NSD1: variants seen among roughly 807,000 people sequenced by gnomAD.
NSD1 encodes the protein nuclear receptor binding SET domain protein 1.
A neutral mutation model predicts 242.7 loss-of-function variants in NSD1; 26 were observed. The observed-to-expected ratio is 0.11, with a 90% confidence interval of 0.08 to 0.15. The LOEUF is 0.15. Among genes scored for constraint, NSD1 ranks in the 10% least tolerant of loss-of-function variants. The pLI is 1.00. For missense variants in NSD1, 2,495 were observed against 3,272.8 expected, an observed-to-expected ratio of 0.76 and a Z score of 5.80; for synonymous variants, 1,106 against 1,178.1, an observed-to-expected ratio of 0.94 and a Z score of 1.25.
chr5:177,165,907 A>G (rs922814625), intron 2 of NSD1, among the ~76,000 whole-genome samples: 1 of 140,754 alleles, frequency 7.1e-6, no homozygotes, highest in South Asian at 2.2e-4. Flanking sequence ...CCCAGCCCAC[A>G]ATCTTTTTTT....
At chr5:177,245,306 A>G (rs926183761) in intron 9 of NSD1, among the ~76,000 whole-genome samples, 4 of 152,226 alleles carry the variant, frequency 2.6e-5, no homozygotes, top group African/African-American at 9.6e-5. Flanking sequence ...TTAAAATAAA[A>G]CCTACAACAT....
chr5:177,245,898 A>G lies in NSD1; in HGVS notation c.4379-780A>G, dbSNP rs1009145798. Among the ~76,000 whole-genome samples, 5 of 151,936 alleles carry G rather than the reference A, an allele frequency of 3.3e-5. No homozygotes were observed. In the East Asian group the frequency reaches 9.6e-4, roughly 29 times the overall value. On this transcript the variant is annotated intron_variant, in intron 9 of 22. Coordinates refer to ENST00000439151, the MANE Select transcript of NSD1 (RefSeq NM_022455.5). ...GTGATCTGTCCACCTTGGCCTCCCA[A>G]AGTGCTGGGATTACAGGCATGAGCC... is the stretch of plus-strand genomic sequence containing the variant.
chr5:177,181,404 A>G (rs1441221791), intron 2 of NSD1, among the ~76,000 whole-genome samples: 2 of 148,574 alleles, frequency 1.3e-5, no homozygotes, highest in Non-Finnish European at 3.0e-5. Flanking sequence ...CATGTGGGAA[A>G]CTTCATTATG....
chr5:177,176,882 G>A (rs1187209922), intron 2 of NSD1, among the ~76,000 whole-genome samples: 2 of 152,130 alleles, frequency 1.3e-5, no homozygotes, highest in African/African-American at 2.4e-5. Flanking sequence ...ATTTCTTGGG[G>A]ATCAGTCAGA....
At chr5:177,183,885 T>G (rs890416878) in intron 2 of NSD1, among the ~76,000 whole-genome samples, 3 of 152,216 alleles carry the variant, frequency 2.0e-5, no homozygotes, top group African/African-American at 4.8e-5. Context: ...TGAGAACACA[T>G]GAAGTTGGTC....
At chr5:177,203,721 G>T (rs967486179) in intron 3 of NSD1, among the ~76,000 whole-genome samples, 5 of 150,232 alleles carry the variant, frequency 3.3e-5, no homozygotes, top group Admixed American at 2.0e-4. Flanking sequence ...GTTTTCTTGG[G>T]TTTTTTTTTG....
Position 177,134,533 on chromosome 5 carries a change from G to C in NSD1, c.-17-554G>C, listed in dbSNP as rs1185783025. On this transcript the variant is annotated intron_variant, in intron 1 of 22. Transcript: ENST00000439151. The surrounding 1 kb of genome is among the most constrained non-coding windows in gnomAD (Gnocchi z 4.2). The stretch of plus-strand genomic sequence containing the variant: ...CCAGCAGGCCTGCATTCAGGAAGGC[G>C]AGCTCTGGGGTGCAGCCGCCTCGGC... Among the ~76,000 whole-genome samples the C allele has an allele frequency of 6.6e-6, 1 of 152,208 alleles. No individual in the cohort carries two copies.
chr5:177,158,618 A>G (rs1322385279), intron 2 of NSD1, among the ~76,000 whole-genome samples: 2 of 152,030 alleles, frequency 1.3e-5, no homozygotes, highest in East Asian at 3.9e-4. Context: ...GATTACAGGC[A>G]TGAGCCACTG....
intron 5 of NSD1, among the ~76,000 whole-genome samples, chr5:177,224,513 A>G (rs1764487980): frequency 6.6e-6 from 1 of 151,952 alleles, no homozygotes; most frequent in Non-Finnish European, 1.5e-5. Context: ...ATATTAATAC[A>G]AACATTTTGT....
At chr5:177,184,694 G>GGTGTGGGTGT (rs933170021) in intron 2 of NSD1, among the ~76,000 whole-genome samples, 2 of 151,880 alleles carry the variant, frequency 1.3e-5, no homozygotes, top group Non-Finnish European at 2.9e-5. Context: ...ATGTCTGCCT[G>GGTGTGGGTGT]GTGTGGGTGT....
Position 177,280,472 on chromosome 5 carries a change from G to T in NSD1, c.5623-93G>T. The T allele has an allele frequency of 2.8e-6, 4 of 1,407,622 alleles. No homozygotes were observed. The South Asian group carries it at 3.5e-5, about 12-fold the overall frequency. 87.2% of individuals were successfully genotyped at this position (1,407,622 alleles called of 1,614,324 possible). A position where few individuals can be genotyped will look rare whatever the true frequency, so the allele number is the denominator to read the frequency against. ...GTTCAAAATCATGGGAAATGTGGCT[G>T]CAACTTCAAGGAAAAAAAGTTTGCC... On this transcript the variant is annotated intron_variant, in intron 17 of 22. Transcript: ENST00000439151.
At chr5:177,284,792 G>T (rs1759173686) in intron 20 of NSD1, among the ~76,000 whole-genome samples, 1 of 152,118 alleles carries the variant, frequency 6.6e-6, no homozygotes, top group South Asian at 2.1e-4. Flanking sequence ...TATGGGTTAT[G>T]GACCCAAGGC....
intron 3 of NSD1, among the ~76,000 whole-genome samples, chr5:177,197,380 C>T (rs987348460): frequency 2.0e-5 from 3 of 151,662 alleles, no homozygotes; most frequent in African/African-American, 7.3e-5. Context: ...CCCAGCACTT[C>T]GGGAGGCCGA....
At position 177,211,977 on chromosome 5, in the gene NSD1, G is replaced by A. The variant is rs751970712; in HGVS notation, c.3578G>A (p.Ser1193Asn). 5 of 1,612,256 alleles carry A rather than the reference G, an allele frequency of 3.1e-6. No individual in the cohort carries two copies. The South Asian group carries it at 4.4e-5, about 14-fold the overall frequency. Residue 1193 changes from serine (S) to asparagine (N), a missense_variant, in exon 5 of 23, where the codon AGT becomes AAT. Transcript: ENST00000439151. The stretch of plus-strand genomic sequence containing the variant: ...TGTGCCTTTAGGGTCTTACTTCCTA[G>A]TGACCCTGTGCAGGAGGGGCGGGAT... ...SECAFRVLLP[S>N]DPVQEGRDEF...
chr5:177,205,800 C>T (rs1021493957), intron 4 of NSD1, among the ~76,000 whole-genome samples: 2 of 151,812 alleles, frequency 1.3e-5, no homozygotes, highest in Non-Finnish European at 2.9e-5. Context: ...GTTTTATACT[C>T]CCCTGGGTCT....
intron 2 of NSD1, among the ~76,000 whole-genome samples, chr5:177,169,201 C>A (rs1759483929): frequency 6.6e-6 from 1 of 152,144 alleles, no homozygotes; most frequent in African/African-American, 2.4e-5. Context: ...TGCTTTGGAG[C>A]TGCTGCTTAA....
In NSD1 at chr5:177,216,710, C is replaced by T. The variant is rs934863488; in HGVS notation, c.3796+4515C>T. 5.6e-5 allele frequency among the ~76,000 whole-genome samples: 8 copies of T among 142,240 alleles called. No individual in the cohort carries two copies. In the East Asian group the frequency reaches 6.1e-4, roughly 11 times the overall value. 93.3% of individuals were successfully genotyped at this position (142,240 alleles called of 152,430 possible). On this transcript the variant is annotated intron_variant, in intron 5 of 22. Transcript: ENST00000439151. Reference sequence around the variant, plus strand: ...TTTTTAATTTTTAGTAAAATTGAGACGGGGTCCAACCATGTTGCCCAGGCT... The same window carrying T: ...TTTTTAATTTTTAGTAAAATTGAGATGGGGTCCAACCATGTTGCCCAGGCT...
rs150492535 is a variant in NSD1, at chr5:177,207,593, A to ATTTTTTTTTTTTTTTTTT, written c.1237-2031_1237-2014dup. ...CACCGTGCCTGGCCTATTTATTTAA[A>ATTTTTTTTTTTTTTTTTT]TTTTTTTTTTTTTTTTTTTTTTTTT... On this transcript the variant is annotated intron_variant, in intron 4 of 22. Coordinates refer to ENST00000439151, the MANE Select transcript of NSD1 (RefSeq NM_022455.5). Among the ~76,000 whole-genome samples the ATTTTTTTTTTTTTTTTTT allele has an allele frequency of 7.7e-4, 60 of 78,216 alleles. 5 individuals carry two copies. Among genetic ancestry groups the ATTTTTTTTTTTTTTTTTT allele is most frequent in the African/African-American group, 4.1e-3 (58 of 14,178 alleles). 51.3% of individuals were successfully genotyped at this position (78,216 alleles called of 152,430 possible).
At chr5:177,170,268 A>T (rs1187467833) in intron 2 of NSD1, among the ~76,000 whole-genome samples, 1 of 151,424 alleles carries the variant, frequency 6.6e-6, no homozygotes, top group African/African-American at 2.4e-5. Flanking sequence ...CACCGCGCCC[A>T]GCTGTGGTGT....
Sources: allele counts gnomAD v4.1 joint callset (sites outside exome capture counted in the v4.1 genomes callset), GRCh38; gene constraint gnomAD v4.1.1; non-coding constraint Gnocchi (gnomAD v3.1); transcripts MANE v1.5; gene names NCBI Gene and HGNC (gene_info 2026-07-23, HGNC 2026-07-21).